The following ADNP variants were observed in gnomAD, a reference collection of about 807,000 sequenced individuals.
ADNP encodes the protein activity dependent neuroprotector homeobox, also known as activity-dependent neuroprotector homeobox protein.
In ADNP, 4 loss-of-function variants were observed where a neutral mutation model predicts 84.9. The ratio of observed to expected loss-of-function variants is 0.05; its 90% CI spans 0.02 to 0.11. ADNP has a LOEUF of 0.11. Among genes scored for constraint, ADNP ranks in the 10% least tolerant of loss-of-function variants. The probability of loss-of-function intolerance (pLI) is 1.00; values close to 1 mark genes in which losing one functional copy is unlikely to be tolerated. For synonymous variants in ADNP, 554 were observed against 468.1 expected, an observed-to-expected ratio of 1.18 and a Z score of -2.37; for missense variants, 1,132 against 1,326.0, an observed-to-expected ratio of 0.85 and a Z score of 2.27.
intron 5 of ADNP, among the ~76,000 whole-genome samples, chr20:50,901,770 C>T (rs1331608314): frequency 6.6e-6 from 1 of 152,188 alleles, no homozygotes; most frequent in Non-Finnish European, 1.5e-5. Context: ...TGGGATACAG[C>T]AGGCTTCGTA....
At chr20:50,915,481 AC>A (rs1983439182) in intron 2 of ADNP, among the ~76,000 whole-genome samples, 1 of 152,160 alleles carries the variant, frequency 6.6e-6, no homozygotes, top group African/African-American at 2.4e-5. Context: ...GGAAACAATC[AC>A]CCCACTCAAT....
At chr20:50,897,771 C>T (rs759788864) in intron 5 of ADNP, among the ~76,000 whole-genome samples, 6 of 152,156 alleles carry the variant, frequency 3.9e-5, no homozygotes, top group Non-Finnish European at 7.3e-5. Context: ...AAAAACACCA[C>T]TTAAAGGAGG....
chr20:50,895,837 A>G (rs1030394783), intron 5 of ADNP, among the ~76,000 whole-genome samples: 7 of 152,076 alleles, frequency 4.6e-5, no homozygotes, highest in African/African-American at 1.7e-4. Context: ...CCTAAAAAAT[A>G]TTTTTTCTTC....
At position 50,891,980 on chromosome 20, in the gene ADNP, C is replaced by T. The variant is rs1419209227; in HGVS notation, c.2734G>A (p.Val912Ile). The T allele has an allele frequency of 6.2e-7, 1 of 1,614,220 alleles. No individual in the cohort carries two copies. Among genetic ancestry groups the T allele is most frequent in the East Asian group, 2.2e-5 (1 of 44,890 alleles). Residue 912 changes from valine (V) to isoleucine (I), a missense_variant, in exon 6 of 6, where the codon GTA (valine) becomes ATA (isoleucine). By Grantham distance (29) the Val-to-Ile change is conservative. Coordinates refer to ENST00000621696, the MANE Select transcript of ADNP (RefSeq NM_001282531.3). ...GCATCCTCAGGAATTACCTTCAGTA[C>T]ATGTTCCTCTGGGTTATCGTTAGAG... is the stretch of plus-strand genomic sequence containing the variant. ...KISNDNPEEH[V>I]LKVIPEDASE...
chr20:50,910,290 C>G (rs1158861180), intron 2 of ADNP, among the ~76,000 whole-genome samples: 1 of 152,160 alleles, frequency 6.6e-6, no homozygotes, highest in Non-Finnish European at 1.5e-5. Flanking sequence ...AGCTCAATGA[C>G]CTATTAATAA....
chr20:50,927,614 T>C lies in ADNP; in HGVS notation c.-90+1037A>G, dbSNP rs536099690. ...TCTCATTATGTTGCCCAAGCTGGTC[T>C]TGAACTCCTGGCCTCAAGTGATTCT... On this transcript the variant is annotated intron_variant, in intron 2 of 5. Transcript: ENST00000621696. Among the ~76,000 whole-genome samples, 4 of 152,296 alleles carry C rather than the reference T, an allele frequency of 2.6e-5. No individual in the cohort carries two copies. In the South Asian group the frequency reaches 8.3e-4, roughly 32 times the overall value.
intron 2 of ADNP, among the ~76,000 whole-genome samples, chr20:50,924,229 C>T (rs903514613): frequency 6.6e-6 from 1 of 152,212 alleles, no homozygotes; most frequent in East Asian, 1.9e-4. Flanking sequence ...ACATAAACAA[C>T]GTTTCTTTTT....
At chr20:50,930,484 G>C (rs933215508) in intron 1 of ADNP, among the ~76,000 whole-genome samples, 7 of 152,114 alleles carry the variant, frequency 4.6e-5, no homozygotes, top group Admixed American at 6.5e-5. Context: ...TCCAGGATGG[G>C]AGAAGCTCGG....
intron 2 of ADNP, chr20:50,905,479 T>C (rs963292564): frequency 2.6e-5 from 4 of 152,090 alleles, no homozygotes; most frequent in African/African-American, 4.8e-5. Flanking sequence ...ATTATTCTAA[T>C]CCAAAATCAA....
In ADNP at chr20:50,893,122, A is replaced by G. The variant is rs943246415; in HGVS notation, c.1592T>C (p.Met531Thr). ...CTCTTCATCAATGTGAACCATCCGC[A>G]TGTGTGCGGCCATCTTTTCCACATC... ...FNDVEKMAAH[M>T]RMVHIDEEMG... The change falls in exon 6 of 6, where the codon ATG becomes ACG. Residue 531 changes from methionine (M) to threonine (T), a missense_variant. By Grantham distance (81) the Met-to-Thr change is moderately conservative. Transcript: ENST00000621696. This position sits in a 1 kb window ranked among gnomAD's most constrained non-coding sequence, Gnocchi z 4.4. 1 of 1,614,254 alleles carries G rather than the reference A, an allele frequency of 6.2e-7. No individual in the cohort carries two copies. The highest frequency in any genetic ancestry group is 8.5e-7 in the Non-Finnish European group (1 of 1,180,050).
rs587777526 is a variant in ADNP at position 50,892,557 on chromosome 20, G to A, written c.2157C>T (p.Tyr719=). The A allele has an allele frequency of 2.4e-5, 38 of 1,614,044 alleles. No homozygotes were observed. The highest frequency in any genetic ancestry group is 1.6e-4 in the Middle Eastern group (1 of 6,084). The change falls in exon 6 of 6, where the codon TAC becomes TAT. Residue 719 remains tyrosine, a synonymous_variant. Transcript: ENST00000621696. ...SPSLAPVKRT[Y]EQMEFPLLKK... is the part of the protein sequence containing the mutation. Reference sequence around the variant, plus strand: ...TCAGTAAGGGAAATTCCATTTGCTCGTAAGTGCGCTTCACAGGTGCCAGAC... The same window carrying A: ...TCAGTAAGGGAAATTCCATTTGCTCATAAGTGCGCTTCACAGGTGCCAGAC...
intron 5 of ADNP, among the ~76,000 whole-genome samples, chr20:50,901,408 A>G (rs995329796): frequency 1.3e-5 from 2 of 151,506 alleles, no homozygotes; most frequent in Non-Finnish European, 2.9e-5. Flanking sequence ...CAGATCATTA[A>G]TGCAGAATGA....
chr20:50,929,411 CACTT>C (rs1460086194), intron 1 of ADNP, among the ~76,000 whole-genome samples: 1 of 152,232 alleles, frequency 6.6e-6, no homozygotes, highest in African/African-American at 2.4e-5. Context: ...GCTCTTGACT[CACTT>C]AATCCTTCGC....
Position 50,892,031 on chromosome 20 carries a change from G to A in ADNP, c.2683C>T (p.Pro895Ser), listed in dbSNP as rs1475885834. The A allele has an allele frequency of 2.5e-6, 4 of 1,613,968 alleles. No individual in the cohort carries two copies. The highest frequency in any genetic ancestry group is 2.7e-5 in the African/African-American group (2 of 74,898). ...ESNESGSPFD[P>S]VFEVEPKISN... ...ATTTTAGGTTCAACTTCAAAAACAG[G>A]GTCAAAAGGGCTACCACTTTCATTG... The change falls in exon 6 of 6, where the codon CCT becomes TCT. Residue 895 changes from proline (P) to serine (S), a missense_variant. Transcript: ENST00000621696.
Position 50,894,101 on chromosome 20 carries a change from G to C in ADNP, c.613C>G (p.Leu205Val), listed in dbSNP as rs764614303. 3 of 1,614,156 alleles carry C rather than the reference G, an allele frequency of 1.9e-6. No homozygotes were observed. The Admixed American group carries it at 5.0e-5, about 27-fold the overall frequency. ...PYIAKAGEKS[L>V]NGAVPLGSNA... Reference sequence around the variant, plus strand: ...GAGCCTAAGGGGACTGCCCCATTGAGTGATTTTTCTCCTGCCTTTGCTATG... The same window carrying C: ...GAGCCTAAGGGGACTGCCCCATTGACTGATTTTTCTCCTGCCTTTGCTATG... The change falls in exon 6 of 6, where the codon CTC (leucine) becomes GTC (valine). Residue 205 changes from leucine (L) to valine (V), a missense_variant. Physicochemically the swap from Leu to Val is conservative, Grantham distance 32 (BLOSUM62 1). This residue lies in a region of ADNP where 130 missense variants were observed against 183.7 expected (regional missense o/e 0.71). Transcript: ENST00000621696.
intron 3 of ADNP, chr20:50,904,277 G>A (rs945094743): frequency 2.3e-5 from 8 of 352,742 alleles, no homozygotes; most frequent in Non-Finnish European, 3.7e-5. Context: ...TGACTGCAGT[G>A]CACTCACGAT....
intron 2 of ADNP, among the ~76,000 whole-genome samples, chr20:50,916,826 G>C (rs1202923821): frequency 6.6e-6 from 1 of 152,054 alleles, no homozygotes; most frequent in African/African-American, 2.4e-5. Flanking sequence ...CTCAACTGCA[G>C]GAACACAAGC....
chr20:50,921,817 G>A (rs1299128058), intron 2 of ADNP, among the ~76,000 whole-genome samples: 2 of 152,200 alleles, frequency 1.3e-5, no homozygotes, highest in African/African-American at 4.8e-5. Flanking sequence ...TGAAAGCGGG[G>A]GAAGATGCCT....
At chr20:50,922,492 G>A (rs1007431928) in intron 2 of ADNP, among the ~76,000 whole-genome samples, 3 of 151,196 alleles carry the variant, frequency 2.0e-5, no homozygotes, top group African/African-American at 7.3e-5. Context: ...ATGCGTAAGG[G>A]CACTGGGCTT....
Sources: gnomAD v4.1 joint callset for allele counts (sites outside exome capture counted in the v4.1 genomes callset) on GRCh38, gnomAD v4.1.1 for gene constraint, gnomAD v4.1.1 regional missense constraint, Gnocchi (gnomAD v3.1) non-coding constraint, MANE v1.5 for transcripts, NCBI Gene and HGNC (gene_info 2026-07-23, HGNC 2026-07-21) for gene names.